The following DMD variants were observed in gnomAD, a reference collection of about 807,000 sequenced individuals.
DMD encodes the protein dystrophin.
In DMD, 63 loss-of-function variants were observed where a neutral mutation model predicts 330.1. The ratio of observed to expected loss-of-function variants is 0.19; its 90% CI spans 0.16 to 0.24. The LOEUF is 0.24. Ranked by LOEUF, DMD falls within the 10% of genes least tolerant of loss-of-function variation. The pLI, the probability that DMD is intolerant of heterozygous loss-of-function variation, is 1.00. For missense variants in DMD, 3,344 were observed against 2,684.1 expected, an observed-to-expected ratio of 1.25 and a Z score of -5.43; for synonymous variants, 1,223 against 959.8, an observed-to-expected ratio of 1.27 and a Z score of -5.07.
chrX:31,349,871 CGA>C (rs1331545306), intron 60 of DMD, among the ~76,000 whole-genome samples: 3 of 111,179 alleles, frequency 2.7e-5, no homozygotes, highest in African/African-American at 9.8e-5. Flanking sequence ...GCAGAATTCC[CGA>C]GAGGTAAAAA....
intron 44 of DMD, among the ~76,000 whole-genome samples, chrX:32,034,134 C>G (rs780041062): frequency 9.0e-6 from 1 of 111,730 alleles, no homozygotes; most frequent in Non-Finnish European, 1.9e-5. Flanking sequence ...ATGACTTGAA[C>G]ACATTCAAAA....
At chrX:32,478,915 G>A (rs1484612102) in intron 21 of DMD, among the ~76,000 whole-genome samples, 2 of 110,814 alleles carry the variant, frequency 1.8e-5, no homozygotes, top group Non-Finnish European at 3.8e-5. Flanking sequence ...TGAACCAACT[G>A]AAATTGGGGT....
chrX:33,085,986 T>G, intron 1 of DMD: 1 of 112,009 alleles, frequency 8.9e-6, no homozygotes, highest in Admixed American at 9.5e-5. Flanking sequence ...AAGAGAAAAA[T>G]GTCAGATGTG....
chrX:33,082,840 A>G (rs2094950366), intron 1 of DMD, among the ~76,000 whole-genome samples: 1 of 112,106 alleles, frequency 8.9e-6, no homozygotes, highest in Admixed American at 9.5e-5. Context: ...CAGCCTCCCA[A>G]GCTGACTTGA....
At chrX:32,949,342 G>A (rs184595587) in intron 2 of DMD, among the ~76,000 whole-genome samples, 169 of 91,538 alleles carry the variant, frequency 1.8e-3, no homozygotes, top group Non-Finnish European at 2.8e-3. Context: ...AGGTAGGTAG[G>A]TAGATAGATA....
chrX:32,695,322 T>A (rs1023188992), intron 9 of DMD, among the ~76,000 whole-genome samples: 2 of 111,780 alleles, frequency 1.8e-5, no homozygotes, highest in African/African-American at 6.5e-5. Context: ...ACAAAAGCAC[T>A]CTGAGCTAAG....
At chrX:32,811,178 T>TA (rs751834619) in intron 6 of DMD, among the ~76,000 whole-genome samples, 2,611 of 86,468 alleles carry the variant, frequency 0.03, 62 homozygotes, top group African/African-American at 0.077. Context: ...TACAACTTAT[T>TA]AAAAAAAAAA....
intron 1 of DMD, among the ~76,000 whole-genome samples, chrX:33,181,880 C>T (rs957735141): frequency 2.7e-5 from 3 of 111,980 alleles, no homozygotes; most frequent in African/African-American, 9.8e-5. Flanking sequence ...GACGGCCAAC[C>T]CAGTGCTTTC....
At chrX:32,427,703 T>G (rs1228381564) in intron 29 of DMD, among the ~76,000 whole-genome samples, 1 of 111,224 alleles carries the variant, frequency 9.0e-6, no homozygotes, top group African/African-American at 3.3e-5. Flanking sequence ...TGTTGATGAC[T>G]GGAATTATCT....
intron 60 of DMD, among the ~76,000 whole-genome samples, chrX:31,433,557 A>G (rs2064243322): frequency 9.2e-6 from 1 of 108,138 alleles, no homozygotes; most frequent in Non-Finnish European, 1.9e-5. Context: ...CCTATGTTCA[A>G]GTGGTTCTCC....
intron 1 of DMD, among the ~76,000 whole-genome samples, chrX:33,156,674 C>A (rs1159580428): frequency 8.9e-6 from 1 of 111,997 alleles, no homozygotes; most frequent in African/African-American, 3.2e-5. Context: ...ATGGGTAATT[C>A]TTTGTGTATT....
At chrX:31,746,319 T>C (rs1158829627) in intron 51 of DMD, among the ~76,000 whole-genome samples, 1 of 111,523 alleles carries the variant, frequency 9.0e-6, no homozygotes, top group African/African-American at 3.3e-5. Flanking sequence ...TTAATCAGAA[T>C]AATTCAAGCC....
intron 18 of DMD, among the ~76,000 whole-genome samples, chrX:32,507,461 T>C (rs1024972018): frequency 1.8e-5 from 2 of 111,979 alleles, no homozygotes; most frequent in African/African-American, 6.5e-5. Context: ...CTAAGCTTAC[T>C]AGAATCAATT....
chrX:32,768,771 T>C (rs886795126), intron 7 of DMD, among the ~76,000 whole-genome samples: 52 of 112,321 alleles, frequency 4.6e-4, no homozygotes, highest in African/African-American at 1.6e-3. Context: ...GTTTTATTTA[T>C]GAAGCTGATA....
At chrX:33,040,352 G>C (rs58707179) in intron 1 of DMD, among the ~76,000 whole-genome samples, 17,819 of 110,181 alleles carry the variant, frequency 0.16, 1,790 homozygotes, top group African/African-American at 0.38. Flanking sequence ...GAGGGGTTGG[G>C]GAAGGTAGAA....
At chrX:32,450,497 A>T (rs901234668) in intron 26 of DMD, among the ~76,000 whole-genome samples, 1 of 110,857 alleles carries the variant, frequency 9.0e-6, no homozygotes, top group Non-Finnish European at 1.9e-5. Context: ...AGTATAATCA[A>T]CAAGTTTGAT....
At chrX:32,027,193 G>C (rs954370904) in intron 44 of DMD, among the ~76,000 whole-genome samples, 1,836 of 88,237 alleles carry the variant, frequency 0.021, 69 homozygotes, top group African/African-American at 0.078. Context: ...CAGAGAGAGA[G>C]AGAGAGAGAG....
chrX:32,848,752 C>G (rs955609136), intron 3 of DMD, among the ~76,000 whole-genome samples: 1 of 110,948 alleles, frequency 9.0e-6, no homozygotes, highest in Non-Finnish European at 1.9e-5. Flanking sequence ...TTGGGAAAAG[C>G]TTTACTGAGG....
chrX:32,925,102 A>T (rs1276313605), intron 2 of DMD, among the ~76,000 whole-genome samples: 2 of 98,909 alleles, frequency 2.0e-5, no homozygotes, highest in Non-Finnish European at 4.0e-5. Flanking sequence ...TCAATGTCAT[A>T]GTATTTTTCC....
Sources: allele counts gnomAD v4.1 joint callset (sites outside exome capture counted in the v4.1 genomes callset), GRCh38; gene constraint gnomAD v4.1.1; transcripts MANE v1.5; gene names NCBI Gene and HGNC (gene_info 2026-07-23, HGNC 2026-07-21).